Variants in CATSPERB observed in about 807,000 individuals in gnomAD.
CATSPERB encodes catsper channel auxiliary subunit beta.
A neutral mutation model predicts 128.3 loss-of-function variants in CATSPERB; 93 were observed. That is an observed-to-expected ratio of 0.72 (90% confidence interval 0.61 to 0.86). The LOEUF is 0.86. CATSPERB is among the 40% of genes least tolerant of loss of function. CATSPERB has a pLI of 0.00. For synonymous variants in CATSPERB, 381 were observed against 448.8 expected (o/e 0.85, Z 1.91); for missense variants, 1,153 against 1,329.5 (o/e 0.87, Z 2.06).
chr14:91,581,992 A>G (rs1160604689), intron 26 of CATSPERB, among the ~76,000 whole-genome samples: 1 of 152,202 alleles, frequency 6.6e-6, no homozygotes, highest in African/African-American at 2.4e-5. Context: ...CAGTGACCCA[A>G]GGAGGTAGCT....
intron 2 of CATSPERB, among the ~76,000 whole-genome samples, chr14:91,726,728 T>C (rs980089061): frequency 6.6e-6 from 1 of 152,190 alleles, no homozygotes; most frequent in South Asian, 2.1e-4. Flanking sequence ...GAAGGGGCTA[T>C]GAAGGACTCA....
In CATSPERB at chr14:91,581,022, A is replaced by C. The variant is rs1893198315; in HGVS notation, c.3218T>G (p.Phe1073Cys). Residue 1073 changes from phenylalanine (F) to cysteine (C), a missense_variant, in exon 27 of 27, where the codon TTT becomes TGT. By Grantham distance (205) the Phe-to-Cys change is radical. Coordinates refer to ENST00000256343, the MANE Select transcript of CATSPERB (RefSeq NM_024764.4). ...TTGCAGTTGAAACATAAATGCTATA[A>C]AAATTAATCCCCCTAGCACTACCGC... is the stretch of plus-strand genomic sequence containing the variant. Reference protein sequence around the residue: ...ATAVVLGGLIFIAFMFQLQGI... With the variant: ...ATAVVLGGLICIAFMFQLQGI... 1.9e-6 allele frequency: 3 copies of C among 1,614,106 alleles called. No individual in the cohort carries two copies. In the Admixed American group the frequency reaches 5.0e-5, roughly 27 times the overall value.
intron 19 of CATSPERB, among the ~76,000 whole-genome samples, chr14:91,619,902 TG>T (rs1894012269): frequency 2.0e-5 from 3 of 146,354 alleles, no homozygotes; most frequent in Non-Finnish European, 4.5e-5. Context: ...TGTGTGTGTG[TG>T]TGTGTGTGTT....
chr14:91,669,680 CAATA>C, intron 14 of CATSPERB, 130 bp downstream of exon 14: 2 of 813,244 alleles, frequency 2.5e-6, no homozygotes, highest in Non-Finnish European at 3.7e-6. Flanking sequence ...AATAAATAGT[CAATA>C]AATATTGTCT....
intron 7 of CATSPERB, among the ~76,000 whole-genome samples, chr14:91,697,134 A>G (rs1226664780): frequency 6.6e-6 from 1 of 152,194 alleles, no homozygotes; most frequent in Non-Finnish European, 1.5e-5. Context: ...ATGAATTTAG[A>G]GTGAGACTGG....
chr14:91,588,022 C>A lies in CATSPERB; in HGVS notation c.3013G>T (p.Gly1005Cys). 1 of 1,612,518 alleles carries A rather than the reference C, an allele frequency of 6.2e-7. No homozygotes were observed. The highest frequency in any genetic ancestry group is 1.1e-5 in the South Asian group (1 of 90,958). ...RMKQLVEPIL[G>C]AAVYNPSGLN... ...CCTGAAGGATTATACACTGCAGCAC[C>A]AAGAATTGGTTCTACTAATTGTTTC... Residue 1005 changes from glycine to cysteine, a missense_variant, in exon 25 of 27, where the codon GGT becomes TGT. Coordinates refer to ENST00000256343, the MANE Select transcript of CATSPERB (RefSeq NM_024764.4).
At chr14:91,583,218 A>G (rs1595133728) in intron 26 of CATSPERB, among the ~76,000 whole-genome samples, 1 of 152,184 alleles carries the variant, frequency 6.6e-6, no homozygotes, top group Admixed American at 6.5e-5. Context: ...GGAGATTGAG[A>G]CCATCCTGGC....
At chr14:91,625,127 C>T (rs1245727754) in intron 17 of CATSPERB, 120 bp from the exon 18 acceptor site, 1 of 635,416 alleles carries the variant, frequency 1.6e-6, no homozygotes, top group African/African-American at 1.9e-5. Flanking sequence ...ATTTGATTAA[C>T]ATTTGTTCAA....
chr14:91,705,149 C>T (rs539065565), intron 6 of CATSPERB, among the ~76,000 whole-genome samples: 84 of 152,032 alleles, frequency 5.5e-4, no homozygotes, highest in African/African-American at 2.0e-3. Flanking sequence ...AGAACAGGGA[C>T]AGTTATCATT....
intron 10 of CATSPERB, 48 bp from the exon 11 acceptor site, chr14:91,683,991 T>C (rs779439625): frequency 2.0e-5 from 26 of 1,319,920 alleles, no homozygotes; most frequent in South Asian, 1.7e-4. Flanking sequence ...AGACTTAAGA[T>C]ATCTTAAGAT....
chr14:91,583,921 C>T lies in CATSPERB; in HGVS notation c.3133-2814G>A, dbSNP rs186348066. ...GACGGAGCTTCACTATGTTACCAGG[C>T]TGGAGTGCAGTGGTTATTCACTGGC... On this transcript the variant is annotated intron_variant, in intron 26 of 26. Transcript: ENST00000256343. 1.7e-3 allele frequency among the ~76,000 whole-genome samples: 262 copies of T among 152,204 alleles called. 1 individual carries two copies. Among genetic ancestry groups the T allele is most frequent in the African/African-American group, 6.1e-3 (255 of 41,496 alleles).
intron 9 of CATSPERB, 111 bp from the exon 10 acceptor site, chr14:91,691,666 A>G: frequency 1.4e-6 from 1 of 737,264 alleles, no homozygotes; most frequent in Non-Finnish European, 2.2e-6. Flanking sequence ...CGTTGAAACA[A>G]AATTATAACT....
chr14:91,619,700 A>C (rs1309833687), intron 19 of CATSPERB, among the ~76,000 whole-genome samples: 2 of 150,124 alleles, frequency 1.3e-5, no homozygotes, highest in Non-Finnish European at 3.0e-5. Context: ...ATGCCTGTTG[A>C]CTCTCTGTTA....
At chr14:91,695,239 C>T (rs1320397593) in intron 7 of CATSPERB, among the ~76,000 whole-genome samples, 4 of 151,568 alleles carry the variant, frequency 2.6e-5, no homozygotes, top group African/African-American at 4.9e-5. Flanking sequence ...GAGCAATTCT[C>T]GTGCCTCATC....
chr14:91,640,295 C>G (rs956921227), intron 15 of CATSPERB, among the ~76,000 whole-genome samples: 1 of 150,296 alleles, frequency 6.7e-6, no homozygotes, highest in Admixed American at 6.6e-5. Flanking sequence ...GCACATTGTG[C>G]AGGTTAGATA....
intron 2 of CATSPERB, 61 bp downstream of exon 2, chr14:91,729,340 G>A: frequency 1.4e-6 from 1 of 702,066 alleles, no homozygotes; most frequent in South Asian, 2.6e-5. Flanking sequence ...TGTAAATAAG[G>A]AAGAGACACA....
At chr14:91,666,803 C>T (rs913283759) in intron 14 of CATSPERB, among the ~76,000 whole-genome samples, 4 of 152,152 alleles carry the variant, frequency 2.6e-5, no homozygotes, top group Non-Finnish European at 4.4e-5. Flanking sequence ...GCTTCAAATA[C>T]GTATGTGTGT....
chr14:91,685,236 T>A (rs1895353305), intron 10 of CATSPERB, among the ~76,000 whole-genome samples: 1 of 152,204 alleles, frequency 6.6e-6, no homozygotes, highest in Admixed American at 6.5e-5. Flanking sequence ...CGCCAACGAA[T>A]TTTTTTAAGT....
rs200048082 is a variant in CATSPERB, at chr14:91,725,177, TA to T, written c.80-10del. On this transcript the variant is annotated splice_polypyrimidine_tract_variant and intron_variant, in intron 2 of 26. Transcript: ENST00000256343. ...GCGTTTCTCTGTATCATCTAAATAA[TA>T]AAAAAAATACATATATTAGATCACT... 1,698 of 1,395,902 alleles carry T rather than the reference TA, an allele frequency of 1.2e-3. 12 individuals carry two copies. In the African/African-American group the frequency reaches 0.018, roughly 15 times the overall value. 86.5% of individuals were successfully genotyped at this position (1,395,902 alleles called of 1,614,324 possible). A position where few individuals can be genotyped will look rare whatever the true frequency, so the allele number is the denominator to read the frequency against.
Sources: gnomAD v4.1 joint callset for allele counts (sites outside exome capture counted in the v4.1 genomes callset) on GRCh38, gnomAD v4.1.1 for gene constraint, MANE v1.5 for transcripts, NCBI Gene and HGNC (gene_info 2026-07-23, HGNC 2026-07-21) for gene names.